CDK13: variants seen among roughly 807,000 people sequenced by gnomAD.
CDK13 encodes cyclin dependent kinase 13, also known as cyclin-dependent kinase 13.
Under a neutral mutation model 137.6 loss-of-function variants are expected in CDK13, and 40 were observed. The ratio of observed to expected loss-of-function variants is 0.29; its 90% CI spans 0.23 to 0.38. CDK13 has a LOEUF of 0.38. CDK13 is among the 10% of genes least tolerant of loss of function. The pLI is 1.00. For missense variants in CDK13, 1,704 were observed against 1,951.8 expected (o/e 0.87, Z 2.39); for synonymous variants, 869 against 760.1 (o/e 1.14, Z -2.36).
chr7:39,963,468 T>C (rs1021114690), intron 1 of CDK13, among the ~76,000 whole-genome samples: 5 of 152,282 alleles, frequency 3.3e-5, no homozygotes, highest in African/African-American at 9.6e-5. Flanking sequence ...TTTTGTACAT[T>C]GATTTTGTAT....
intron 1 of CDK13, among the ~76,000 whole-genome samples, chr7:39,966,844 G>A (rs1470313856): frequency 6.6e-6 from 1 of 152,162 alleles, no homozygotes; most frequent in Non-Finnish European, 1.5e-5. Flanking sequence ...AGGACCCTCA[G>A]CTGCAGGTCC....
intron 5 of CDK13, among the ~76,000 whole-genome samples, chr7:40,039,749 ATCAC>A (rs1278794340): frequency 6.6e-6 from 1 of 152,038 alleles, no homozygotes; most frequent in Non-Finnish European, 1.5e-5. Flanking sequence ...GATACTAATA[ATCAC>A]TCTGCAGTGT....
chr7:39,996,961 CAAAAAAAAAAAAAAA>C (rs1188135253), intron 2 of CDK13, among the ~76,000 whole-genome samples: 4 of 83,242 alleles, frequency 4.8e-5, no homozygotes, highest in African/African-American at 7.9e-5. Flanking sequence ...GATTCCATCT[CAAAAAAAAAAAAAAA>C]GAAAAAAAAA....
intron 1 of CDK13, among the ~76,000 whole-genome samples, chr7:39,961,386 A>G (rs1402714513): frequency 6.6e-6 from 1 of 152,182 alleles, no homozygotes; most frequent in Non-Finnish European, 1.5e-5. Flanking sequence ...TTTTGTCAGT[A>G]TCAGAATATG....
chr7:40,015,149 T>C (rs1390933056), intron 5 of CDK13, among the ~76,000 whole-genome samples: 1 of 152,178 alleles, frequency 6.6e-6, no homozygotes, highest in East Asian at 1.9e-4. Context: ...TTCAAGGAAA[T>C]GTAGAGTTAG....
At chr7:39,952,001 G>A (rs746984709) in intron 1 of CDK13, 149 bp downstream of exon 1, 6 of 807,478 alleles carry the variant, frequency 7.4e-6, no homozygotes, top group Non-Finnish European at 8.3e-6. Context: ...AAGGATAGGC[G>A]TTTTCGCGCG....
intron 9 of CDK13, among the ~76,000 whole-genome samples, chr7:40,068,448 C>G (rs889468721): frequency 6.6e-6 from 1 of 151,832 alleles, no homozygotes; most frequent in Non-Finnish European, 1.5e-5. Context: ...CTAGTCCCAA[C>G]ACTTTGGGAG....
At chr7:39,998,978 A>G (rs906663682) in intron 3 of CDK13, 1 of 153,844 alleles carries the variant, frequency 6.5e-6, no homozygotes, top group African/African-American at 2.4e-5. Flanking sequence ...AGTAGATTAT[A>G]TATATTATTG....
Position 39,976,323 on chromosome 7 carries a change from T to TCTCTCTCTCTCTCTCTCACACA in CDK13, c.1212-11275_1212-11274insTCTCTCTCTCTCTCTCACACAC. On this transcript the variant is annotated intron_variant, in intron 1 of 13. Transcript: ENST00000181839. Reference sequence around the variant, plus strand: ...CTCTCTCTCTCTCTCTCTCTCTCTCTCACACACACACACACACACACACAC... The same window carrying TCTCTCTCTCTCTCTCTCACACA: ...CTCTCTCTCTCTCTCTCTCTCTCTCTCTCTCTCTCTCTCTCTCACACACACACACACACACACACACACACAC... 1.8e-3 allele frequency among the ~76,000 whole-genome samples: 70 copies of TCTCTCTCTCTCTCTCTCACACA among 39,562 alleles called. 1 individual carries two copies. The highest frequency in any genetic ancestry group is 2.9e-3 in the Admixed American group (9 of 3,144). The allele number at this position is 39,562 out of a possible 152,430, so 26.0% of individuals were successfully genotyped here.
intron 1 of CDK13, among the ~76,000 whole-genome samples, chr7:39,983,357 G>A (rs1167435395): frequency 1.3e-5 from 2 of 152,182 alleles, no homozygotes; most frequent in South Asian, 4.2e-4. Context: ...TCCTGACCTC[G>A]TGATCCGCCC....
At chr7:40,032,125 T>C (rs946407112) in intron 5 of CDK13, among the ~76,000 whole-genome samples, 16 of 152,104 alleles carry the variant, frequency 1.1e-4, no homozygotes, top group African/African-American at 3.9e-4. Flanking sequence ...GGTGTGACTT[T>C]GGTTCACTGC....
At chr7:40,070,893 A>G (rs1057283717) in intron 9 of CDK13, 16 of 152,326 alleles carry the variant, frequency 1.1e-4, no homozygotes, top group Admixed American at 3.3e-4. Context: ...AAGAGCCTTT[A>G]TATCACACAA....
At chr7:40,002,180 TAATG>T (rs1419154143) in intron 5 of CDK13, 149 bp downstream of exon 5, 2 of 528,208 alleles carry the variant, frequency 3.8e-6, no homozygotes, top group African/African-American at 3.9e-5. Flanking sequence ...TAGAGTTGAA[TAATG>T]AATTGATTTA....
chr7:40,005,190 G>A (rs1247914385), intron 5 of CDK13, among the ~76,000 whole-genome samples: 1 of 149,256 alleles, frequency 6.7e-6, no homozygotes, highest in Non-Finnish European at 1.5e-5. Context: ...AAAAAAAAAG[G>A]AAAACATCAT....
At chr7:39,963,714 G>A (rs1783803333) in intron 1 of CDK13, among the ~76,000 whole-genome samples, 1 of 152,130 alleles carries the variant, frequency 6.6e-6, no homozygotes, top group African/African-American at 2.4e-5. Context: ...GTTTTCAAAG[G>A]GAATGCTTCC....
In CDK13 at chr7:40,098,594, C is replaced by T. The variant is rs1787089284; in HGVS notation, c.*3614C>T. Reference sequence around the variant, plus strand: ...AAGTCTGAACGAGATGTCCCAGTAACCTAAAATTATCCAGTCGGTCTTCTT... The same window carrying T: ...AAGTCTGAACGAGATGTCCCAGTAATCTAAAATTATCCAGTCGGTCTTCTT... On this transcript the variant is annotated 3_prime_UTR_variant, in exon 14 of 14. Transcript: ENST00000181839. 1 of 150,254 alleles carries T rather than the reference C, an allele frequency of 6.7e-6. No individual in the cohort carries two copies. The highest frequency in any genetic ancestry group is 1.5e-5 in the Non-Finnish European group (1 of 67,776). 9.3% of individuals were successfully genotyped at this position (150,254 alleles called of 1,614,324 possible). A position where few individuals can be genotyped will look rare whatever the true frequency, so the allele number is the denominator to read the frequency against.
At position 40,042,671 on chromosome 7, in the gene CDK13, G is replaced by C. The variant is rs181581903; in HGVS notation, c.2354-3165G>C. 6.9e-3 allele frequency among the ~76,000 whole-genome samples: 1,012 copies of C among 145,672 alleles called. 12 individuals carry two copies. Among genetic ancestry groups the C allele is most frequent in the African/African-American group, 0.025 (943 of 37,944 alleles). On this transcript the variant is annotated intron_variant, in intron 5 of 13. Coordinates refer to ENST00000181839, the MANE Select transcript of CDK13 (RefSeq NM_003718.5). Reference sequence around the variant, plus strand: ...TTTTTTGTATTTTAGCAGAGACGGGGTTTTACCATGTTGTCCAGGCTAGTC... The same window carrying C: ...TTTTTTGTATTTTAGCAGAGACGGGCTTTTACCATGTTGTCCAGGCTAGTC...
At chr7:40,050,105 G>C (rs1346377043) in intron 7 of CDK13, among the ~76,000 whole-genome samples, 1 of 151,792 alleles carries the variant, frequency 6.6e-6, no homozygotes, top group African/African-American at 2.4e-5. Context: ...TCAGCCTACC[G>C]ATAGCTGGGA....
chr7:40,049,399 GTA>G (rs1031554740), intron 7 of CDK13, among the ~76,000 whole-genome samples: 5 of 146,340 alleles, frequency 3.4e-5, no homozygotes, highest in African/African-American at 1.1e-4. Context: ...GGAAAGGGTT[GTA>G]TGAGTGTTTT....
Sources: allele counts gnomAD v4.1 joint callset (sites outside exome capture counted in the v4.1 genomes callset), GRCh38; gene constraint gnomAD v4.1.1; transcripts MANE v1.5; gene names NCBI Gene and HGNC (gene_info 2026-07-23, HGNC 2026-07-21).